SORCS2: variants seen among roughly 807,000 people sequenced by gnomAD.
SORCS2 encodes the protein VPS10 domain-containing receptor SorCS2.
Under a neutral mutation model 141.6 loss-of-function variants are expected in SORCS2, and 100 were observed. The observed-to-expected ratio is 0.71, with a 90% CI of 0.60 to 0.83. SORCS2 has a LOEUF of 0.83. SORCS2 is among the 40% of genes least tolerant of loss of function. SORCS2 has a pLI of 0.00. For missense variants in SORCS2, 1,646 were observed against 1,560.2 expected, an observed-to-expected ratio of 1.05 and a Z score of -0.93; for synonymous variants, 789 against 676.9, an observed-to-expected ratio of 1.17 and a Z score of -2.57.
chr4:7,287,891 G>A (rs568801539), intron 1 of SORCS2, among the ~76,000 whole-genome samples: 102 of 152,322 alleles, frequency 6.7e-4, no homozygotes, highest in African/African-American at 2.3e-3. Flanking sequence ...ACAGTTTTCT[G>A]GTTTGGAGAA....
At chr4:7,299,455 C>A (rs1251608692) in intron 1 of SORCS2, among the ~76,000 whole-genome samples, 1 of 152,218 alleles carries the variant, frequency 6.6e-6, no homozygotes, top group Non-Finnish European at 1.5e-5. Flanking sequence ...CTCTCGGGGA[C>A]CATCTGGCCT....
At chr4:7,627,632 G>T (rs1185682317) in intron 3 of SORCS2, among the ~76,000 whole-genome samples, 7 of 152,222 alleles carry the variant, frequency 4.6e-5, no homozygotes, top group Non-Finnish European at 7.3e-5. Flanking sequence ...GCCTCTGTTG[G>T]CTGAGGAGCC....
At position 7,675,578 on chromosome 4, in the gene SORCS2, G is replaced by A. The variant is rs542180879; in HGVS notation, c.1162-472G>A. Among the ~76,000 whole-genome samples the A allele has an allele frequency of 3.3e-5, 5 of 152,318 alleles. No homozygotes were observed. In the South Asian group the frequency reaches 6.2e-4, roughly 19 times the overall value. On this transcript the variant is annotated intron_variant, in intron 8 of 26. Coordinates refer to ENST00000507866, the MANE Select transcript of SORCS2 (RefSeq NM_020777.3). ...GCATCCAGTGGCTGGAAAGTTTCTGGCATGGAGTTGGTACTTCCCAAATGT... is the reference window on the plus strand; with the variant it reads ...GCATCCAGTGGCTGGAAAGTTTCTGACATGGAGTTGGTACTTCCCAAATGT...
At chr4:7,646,127 C>G (rs528234459) in intron 4 of SORCS2, among the ~76,000 whole-genome samples, 2 of 152,258 alleles carry the variant, frequency 1.3e-5, no homozygotes, top group African/African-American at 2.4e-5. Flanking sequence ...TGTGTGCCCC[C>G]GGGCTGTGAG....
chr4:7,588,741 G>A (rs1043602371), intron 3 of SORCS2, among the ~76,000 whole-genome samples: 6 of 152,196 alleles, frequency 3.9e-5, no homozygotes, highest in African/African-American at 7.2e-5. Flanking sequence ...GAGGAAGGGC[G>A]CTGGGAGAGA....
At chr4:7,231,323 A>G (rs930186945) in intron 1 of SORCS2, among the ~76,000 whole-genome samples, 1 of 152,222 alleles carries the variant, frequency 6.6e-6, no homozygotes, top group African/African-American at 2.4e-5. Context: ...GTGGAGGGCA[A>G]TGTGCTTCAC....
At chr4:7,632,156 C>T (rs773618857) in intron 3 of SORCS2, among the ~76,000 whole-genome samples, 1 of 152,184 alleles carries the variant, frequency 6.6e-6, no homozygotes, top group Non-Finnish European at 1.5e-5. Context: ...TGTGTCTGCC[C>T]CTGACCATTT....
chr4:7,732,330 C>T (rs970003292), intron 23 of SORCS2, among the ~76,000 whole-genome samples: 3 of 152,168 alleles, frequency 2.0e-5, no homozygotes, highest in African/African-American at 7.2e-5. Context: ...TCTGAGCCCA[C>T]CCAGCCCTGG....
At chr4:7,267,520 A>G (rs1324401973) in intron 1 of SORCS2, among the ~76,000 whole-genome samples, 3 of 152,142 alleles carry the variant, frequency 2.0e-5, no homozygotes, top group Non-Finnish European at 4.4e-5. Flanking sequence ...TGGAGGAAAG[A>G]TGGAATGGAT....
At chr4:7,432,226 C>T (rs1356875881) in intron 2 of SORCS2, 1 of 152,214 alleles carries the variant, frequency 6.6e-6, no homozygotes, top group Admixed American at 6.5e-5. Context: ...GGATCTGCGC[C>T]TTCCCTGAGA....
intron 1 of SORCS2, among the ~76,000 whole-genome samples, chr4:7,379,029 G>A (rs945778017): frequency 2.6e-5 from 4 of 152,138 alleles, no homozygotes; most frequent in Non-Finnish European, 4.4e-5. Context: ...TTTGTTTTAT[G>A]CGTGTGATTT....
intron 3 of SORCS2, among the ~76,000 whole-genome samples, chr4:7,636,312 CA>C (rs1720251626): frequency 6.6e-6 from 1 of 152,264 alleles, no homozygotes. Flanking sequence ...GCCTCACCCG[CA>C]TCTCTGCGGC....
At chr4:7,245,192 C>T (rs1451405726) in intron 1 of SORCS2, among the ~76,000 whole-genome samples, 1 of 152,192 alleles carries the variant, frequency 6.6e-6, no homozygotes, top group East Asian at 1.9e-4. Flanking sequence ...TGGTCCCAGT[C>T]ACCTCCCTAC....
intron 4 of SORCS2, among the ~76,000 whole-genome samples, chr4:7,645,617 A>G (rs1287175048): frequency 6.6e-6 from 1 of 152,186 alleles, no homozygotes; most frequent in African/African-American, 2.4e-5. Context: ...CCAGACAGAA[A>G]AAGAAGTACA....
intron 1 of SORCS2, among the ~76,000 whole-genome samples, chr4:7,280,522 C>T (rs547104995): frequency 4.6e-5 from 7 of 152,262 alleles, no homozygotes; most frequent in Non-Finnish European, 7.4e-5. Context: ...CATCATCGTT[C>T]GCTCATGAGA....
At chr4:7,498,461 C>G (rs1354147723) in intron 2 of SORCS2, among the ~76,000 whole-genome samples, 1 of 152,258 alleles carries the variant, frequency 6.6e-6, no homozygotes, top group African/African-American at 2.4e-5. Context: ...GACAACACCT[C>G]TGAGTGTGGT....
intron 1 of SORCS2, among the ~76,000 whole-genome samples, chr4:7,339,333 C>G (rs1007531679): frequency 1.3e-5 from 2 of 152,240 alleles, no homozygotes; most frequent in Admixed American, 1.3e-4. Flanking sequence ...GGACTCCTGA[C>G]TGCAGTGCAA....
chr4:7,458,776 C>T (rs1276995804), intron 2 of SORCS2, among the ~76,000 whole-genome samples: 1 of 151,966 alleles, frequency 6.6e-6, no homozygotes, highest in Non-Finnish European at 1.5e-5. Flanking sequence ...CCAAGGGGGT[C>T]CCGGGCACCA....
At chr4:7,434,587 A>G in intron 2 of SORCS2, 1 of 1,613,364 alleles carries the variant, frequency 6.2e-7, no homozygotes, top group East Asian at 2.2e-5. Context: ...CTGGCTGGGG[A>G]GCCACTCACA....
Sources: allele counts gnomAD v4.1 joint callset (sites outside exome capture counted in the v4.1 genomes callset), GRCh38; gene constraint gnomAD v4.1.1; transcripts MANE v1.5; gene names NCBI Gene and HGNC (gene_info 2026-07-23, HGNC 2026-07-21).